Variants in KCNQ3 observed in about 807,000 individuals in gnomAD.
KCNQ3 encodes potassium voltage-gated channel subfamily Q member 3.
In KCNQ3, 30 loss-of-function variants were observed where a neutral mutation model predicts 92.5. The observed-to-expected ratio is 0.32, with a 90% CI of 0.24 to 0.44. The LOEUF is 0.44. KCNQ3 is among the 20% of genes least tolerant of loss of function. The pLI, the probability that KCNQ3 is intolerant of heterozygous loss-of-function variation, is 1.00. For missense variants in KCNQ3, 913 were observed against 1,140.3 expected, an observed-to-expected ratio of 0.80 and a Z score of 2.87; for synonymous variants, 450 against 468.8, an observed-to-expected ratio of 0.96 and a Z score of 0.52.
chr8:132,410,001 C>CA (rs1358537121), intron 1 of KCNQ3, among the ~76,000 whole-genome samples: 1 of 152,154 alleles, frequency 6.6e-6, no homozygotes, highest in Non-Finnish European at 1.5e-5. Flanking sequence ...TGGTGGTGTG[C>CA]ACCTGTAGTC....
chr8:132,271,315 C>G (rs980676034), intron 1 of KCNQ3, among the ~76,000 whole-genome samples: 1 of 152,232 alleles, frequency 6.6e-6, no homozygotes, highest in East Asian at 1.9e-4. Flanking sequence ...AAGTGGCTGA[C>G]CAGAGGGCTA....
chr8:132,465,913 AAAAT>A (rs997458459), intron 1 of KCNQ3, among the ~76,000 whole-genome samples: 2 of 152,202 alleles, frequency 1.3e-5, no homozygotes, highest in African/African-American at 4.8e-5. Context: ...CCCTGTCTAA[AAAAT>A]AAATAAATAC....
intron 9 of KCNQ3, among the ~76,000 whole-genome samples, chr8:132,150,936 T>C (rs988375940): frequency 3.3e-5 from 5 of 152,086 alleles, no homozygotes; most frequent in Non-Finnish European, 7.3e-5. Context: ...AAAGCTGTGG[T>C]AATTTCACGT....
intron 9 of KCNQ3, among the ~76,000 whole-genome samples, chr8:132,147,479 TC>T (rs1825487938): frequency 6.6e-6 from 1 of 152,242 alleles, no homozygotes; most frequent in Non-Finnish European, 1.5e-5. Context: ...GGTGACTGTG[TC>T]TTTTTTATTC....
At chr8:132,194,176 C>A (rs896828180) in intron 1 of KCNQ3, among the ~76,000 whole-genome samples, 2 of 152,174 alleles carry the variant, frequency 1.3e-5, no homozygotes, top group African/African-American at 4.8e-5. Flanking sequence ...AAACATTTTT[C>A]CTAGCTAGGT....
At chr8:132,161,975 A>G (rs934917319) in intron 9 of KCNQ3, among the ~76,000 whole-genome samples, 3 of 152,228 alleles carry the variant, frequency 2.0e-5, no homozygotes, top group African/African-American at 7.2e-5. Flanking sequence ...TGGATGAAGG[A>G]GACTGAGTGA....
Position 132,249,750 on chromosome 8 carries a change from G to A in KCNQ3, c.387-63569C>T, listed in dbSNP as rs555068063. On this transcript the variant is annotated intron_variant, in intron 1 of 14. Coordinates refer to ENST00000388996, the MANE Select transcript of KCNQ3 (RefSeq NM_004519.4). ...AGGCTTGGGCTGTGCAGGAGCCCAC[G>A]GCTAGGGGGAGGCTCGGGCATGACG... is the stretch of plus-strand genomic sequence containing the variant. 6.0e-4 allele frequency among the ~76,000 whole-genome samples: 91 copies of A among 152,282 alleles called. 1 individual carries two copies. Among genetic ancestry groups the A allele is most frequent in the African/African-American group, 1.6e-3 (68 of 41,558 alleles).
Position 132,287,358 on chromosome 8 carries a change from A to G in KCNQ3, c.387-101177T>C, listed in dbSNP as rs542016019. 2.0e-5 allele frequency among the ~76,000 whole-genome samples: 3 copies of G among 152,354 alleles called. No homozygotes were observed. In the South Asian group the frequency reaches 6.2e-4, roughly 32 times the overall value. The stretch of plus-strand genomic sequence containing the variant: ...GAAACCAAGCTGAATATGAGGCCCA[A>G]CTAAAGACATTCAAGTTGAATTTGT... On this transcript the variant is annotated intron_variant, in intron 1 of 14. Transcript: ENST00000388996.
chr8:132,286,494 T>C (rs1816683131), intron 1 of KCNQ3, among the ~76,000 whole-genome samples: 1 of 152,238 alleles, frequency 6.6e-6, no homozygotes, highest in Admixed American at 6.5e-5. Context: ...GTTCTGCCAT[T>C]GTATTTTAGA....
chr8:132,469,811 G>A (rs1009225516), intron 1 of KCNQ3, among the ~76,000 whole-genome samples: 2 of 151,892 alleles, frequency 1.3e-5, no homozygotes, highest in Middle Eastern at 3.4e-3. Flanking sequence ...ACTTGAAAGC[G>A]GGAGCTTCCA....
chr8:132,285,424 G>A (rs1235398373), intron 1 of KCNQ3, among the ~76,000 whole-genome samples: 1 of 152,228 alleles, frequency 6.6e-6, no homozygotes, highest in African/African-American at 2.4e-5. Context: ...AAAGAACTTG[G>A]ATGCACTGTG....
At chr8:132,442,300 C>A (rs752139981) in intron 1 of KCNQ3, among the ~76,000 whole-genome samples, 1 of 152,136 alleles carries the variant, frequency 6.6e-6, no homozygotes, top group African/African-American at 2.4e-5. Context: ...CTGTGAAGCC[C>A]ACTCTGAGCT....
Position 132,237,099 on chromosome 8 carries a change from T to A in KCNQ3, c.387-50918A>T, listed in dbSNP as rs1308203159. Among the ~76,000 whole-genome samples the A allele has an allele frequency of 8.5e-5, 13 of 152,310 alleles. No individual in the cohort carries two copies. The East Asian group carries it at 2.3e-3, about 27-fold the overall frequency. On this transcript the variant is annotated intron_variant, in intron 1 of 14. Coordinates refer to ENST00000388996, the MANE Select transcript of KCNQ3 (RefSeq NM_004519.4). ...GAATCTAGCAATGTTATCCCCAGATTTTTGACCTATAGAGCATGAGCTAAC... is the reference window on the plus strand; with the variant it reads ...GAATCTAGCAATGTTATCCCCAGATATTTGACCTATAGAGCATGAGCTAAC...
intron 9 of KCNQ3, among the ~76,000 whole-genome samples, chr8:132,156,637 C>T (rs1432200374): frequency 6.6e-6 from 1 of 152,094 alleles, no homozygotes; most frequent in Non-Finnish European, 1.5e-5. Flanking sequence ...GTCATGTATC[C>T]TGGATCTGCT....
chr8:132,203,613 A>T (rs139378693), intron 1 of KCNQ3, among the ~76,000 whole-genome samples: 2 of 152,204 alleles, frequency 1.3e-5, no homozygotes, highest in African/African-American at 4.8e-5. Flanking sequence ...CAGGAGTCAG[A>T]CAGGGAATGA....
intron 1 of KCNQ3, among the ~76,000 whole-genome samples, chr8:132,415,710 G>A (rs1242949623): frequency 1.3e-5 from 2 of 151,922 alleles, no homozygotes; most frequent in South Asian, 2.1e-4. Flanking sequence ...ATAAATCATC[G>A]TAACTGTGCA....
intron 1 of KCNQ3, among the ~76,000 whole-genome samples, chr8:132,464,632 C>G (rs1563921017): frequency 6.6e-6 from 1 of 152,190 alleles, no homozygotes; most frequent in African/African-American, 2.4e-5. Context: ...CAAGGCTGTA[C>G]ATTAGAAAAC....
At chr8:132,213,549 A>G (rs1255749908) in intron 1 of KCNQ3, among the ~76,000 whole-genome samples, 1 of 152,154 alleles carries the variant, frequency 6.6e-6, no homozygotes. Context: ...ATCCAATCCC[A>G]GTTACCCTCA....
intron 1 of KCNQ3, among the ~76,000 whole-genome samples, chr8:132,437,054 C>T (rs1821412812): frequency 2.0e-5 from 3 of 151,770 alleles, no homozygotes; most frequent in South Asian, 2.1e-4. Context: ...CCGAGGCGGG[C>T]GGATCACGAG....
Sources: allele counts gnomAD v4.1 joint callset (sites outside exome capture counted in the v4.1 genomes callset), GRCh38; gene constraint gnomAD v4.1.1; transcripts MANE v1.5; gene names NCBI Gene and HGNC (gene_info 2026-07-23, HGNC 2026-07-21).